The following NEB variants were observed in gnomAD, a reference collection of about 807,000 sequenced individuals.
NEB encodes the protein nebulin.
Under a neutral mutation model 952.2 loss-of-function variants are expected in NEB, and 512 were observed. The ratio of observed to expected loss-of-function variants is 0.54; its 90% CI spans 0.50 to 0.58. The LOEUF is 0.58. NEB is among the 20% of genes least tolerant of loss of function. The probability of loss-of-function intolerance (pLI) is 0.00; values close to 1 mark genes in which losing one functional copy is unlikely to be tolerated. For missense variants in NEB, 8,428 were observed against 9,231.1 expected (o/e 0.91, Z 3.56); for synonymous variants, 2,900 against 3,149.8 (o/e 0.92, Z 2.66).
chr2:151,576,583 G>A (rs1329904752), intron 105 of NEB, among the ~76,000 whole-genome samples: 2 of 126,098 alleles, frequency 1.6e-5, no homozygotes, highest in African/African-American at 6.3e-5. Context: ...CCAGGCTGGA[G>A]TGCAATGGCA....
At chr2:151,726,635 C>T (rs2099791394) in intron 5 of NEB, among the ~76,000 whole-genome samples, 1 of 152,132 alleles carries the variant, frequency 6.6e-6, no homozygotes, top group East Asian at 1.9e-4. Flanking sequence ...GTGTAACTTA[C>T]AGAACTGTGC....
At chr2:151,687,601 C>T in intron 26 of NEB, 25 bp downstream of exon 26, 1 of 1,613,308 alleles carries the variant, frequency 6.2e-7, no homozygotes, top group Non-Finnish European at 8.5e-7. Flanking sequence ...CTGTCCAGGT[C>T]CCCAGGTCCC....
chr2:151,657,761 T>C (rs754208298), intron 48 of NEB, among the ~76,000 whole-genome samples: 1 of 152,212 alleles, frequency 6.6e-6, no homozygotes, highest in Non-Finnish European at 1.5e-5. Context: ...TATCTAGATC[T>C]CATGAGTCAG....
At chr2:151,641,866 A>G (rs2098859719) in intron 60 of NEB, among the ~76,000 whole-genome samples, 1 of 152,236 alleles carries the variant, frequency 6.6e-6, no homozygotes, top group South Asian at 2.1e-4. Context: ...CACAACGTGC[A>G]GGTTTGTTAC....
At chr2:151,720,756 GC>G (rs1473353831) in intron 9 of NEB, among the ~76,000 whole-genome samples, 1 of 152,098 alleles carries the variant, frequency 6.6e-6, no homozygotes, top group Admixed American at 6.5e-5. Context: ...TCATCCTTTT[GC>G]TGGCTCCTGT....
rs573850843 is a variant in NEB, at chr2:151,730,331, A to G, written c.37-675T>C. Among the ~76,000 whole-genome samples the G allele has an allele frequency of 2.0e-5, 3 of 152,298 alleles. No individual in the cohort carries two copies. The South Asian group carries it at 6.2e-4, about 32-fold the overall frequency. ...GATTCTTCATCACAAAGTGTGGGAA[A>G]GGTAGGCTGCAATTTGCCATAGTGG... On this transcript the variant is annotated intron_variant, in intron 3 of 181. Transcript: ENST00000397345.
intron 148 of NEB, among the ~76,000 whole-genome samples, chr2:151,526,628 C>T (rs568294159): frequency 6.6e-6 from 1 of 152,252 alleles, no homozygotes; most frequent in South Asian, 2.1e-4. Context: ...CAAATCATGG[C>T]GTTTCCATAA....
Position 151,570,554 on chromosome 2 carries a change from G to C in NEB, c.17061C>G (p.Val5687=), listed in dbSNP as rs199756204. 50 of 1,609,632 alleles carry C rather than the reference G, an allele frequency of 3.1e-5. No individual in the cohort carries two copies. The African/African-American group carries it at 6.4e-4, about 21-fold the overall frequency. ...GWDEMKAGCD[V]RLDAIPIQAA... ...CCTGGATGGGGATGGCATCCAGCCG[G>C]ACATCACAGCCCGCCTTCATTTCAT... Residue 5687 remains valine (V), a synonymous_variant, in exon 108 of 182, where the codon GTC becomes GTG. Coordinates refer to ENST00000397345, the MANE Select transcript of NEB (RefSeq NM_001164508.2).
rs748738174 is a variant in NEB at position 151,677,887 on chromosome 2, T to A, written c.3556A>T (p.Ile1186Leu). ...TAAATGACACTTACATCACTCTGTA[T>A]CTGCATCATGTTCTTAGACAGCTCC... ...DLELSKNMMQ[I>L]QSDNVYKEDY... Residue 1186 changes from isoleucine to leucine, a missense_variant, in exon 33 of 182, where the codon ATA (isoleucine) becomes TTA (leucine). By Grantham distance (5) the Ile-to-Leu change is conservative. Transcript: ENST00000397345. 6.2e-7 allele frequency: 1 copy of A among 1,610,926 alleles called. No homozygotes were observed. The highest frequency in any genetic ancestry group is 8.5e-7 in the Non-Finnish European group (1 of 1,177,992).
Position 151,492,061 on chromosome 2 carries a change from T to C in NEB, c.25057+37A>G, listed in dbSNP as rs763159352. 3 of 1,598,594 alleles carry C rather than the reference T, an allele frequency of 1.9e-6. No homozygotes were observed. In the South Asian group the frequency reaches 3.3e-5, roughly 18 times the overall value. On this transcript the variant is annotated intron_variant, in intron 178 of 181. Coordinates refer to ENST00000397345, the MANE Select transcript of NEB (RefSeq NM_001164508.2). ...ACTTTTGTTCTTCTACCCCCTCACT[T>C]AAAGTTAATCCCCTCCCCCAACCCA...
At chr2:151,663,200 CT>C (rs1234491330) in intron 45 of NEB, among the ~76,000 whole-genome samples, 7 of 152,188 alleles carry the variant, frequency 4.6e-5, no homozygotes, top group African/African-American at 1.7e-4. Context: ...TATCTGATTT[CT>C]TACTTTCCCT....
At chr2:151,646,642 C>T (rs1560961315) in intron 54 of NEB, among the ~76,000 whole-genome samples, 2 of 152,090 alleles carry the variant, frequency 1.3e-5, no homozygotes, top group Non-Finnish European at 2.9e-5. Flanking sequence ...TCCTATGTGG[C>T]TTATTGTTAT....
At chr2:151,559,055 A>G (rs1359791118) in intron 124 of NEB, among the ~76,000 whole-genome samples, 1 of 152,238 alleles carries the variant, frequency 6.6e-6, no homozygotes, top group Non-Finnish European at 1.5e-5. Context: ...ACAATGGGCT[A>G]CTATCCAGAA....
At chr2:151,591,697 TAAAAATCAG>T (rs1408441175) in intron 95 of NEB, among the ~76,000 whole-genome samples, 24 of 152,408 alleles carry the variant, frequency 1.6e-4, no homozygotes, top group Non-Finnish European at 2.6e-4. Context: ...ATAAATCATG[TAAAAATCAG>T]AAAAAAACAT....
At chr2:151,619,954 T>C (rs1421706469) in intron 72 of NEB, among the ~76,000 whole-genome samples, 192 bp from the exon 73 acceptor site, 1 of 152,152 alleles carries the variant, frequency 6.6e-6, no homozygotes, top group Non-Finnish European at 1.5e-5. Flanking sequence ...AATGGTTCCT[T>C]TATATATGCT....
chr2:151,623,405 C>CA (rs887799186), intron 71 of NEB, among the ~76,000 whole-genome samples: 2 of 152,016 alleles, frequency 1.3e-5, no homozygotes, highest in African/African-American at 4.8e-5. Context: ...TGTGTAAAGA[C>CA]AAAATCTTAA....
At chr2:151,665,245 A>G in intron 42 of NEB, 88 bp downstream of exon 42, 1 of 1,239,042 alleles carries the variant, frequency 8.1e-7, no homozygotes, top group South Asian at 1.3e-5. Flanking sequence ...AGAAAGAAAC[A>G]CTGTAGGAGA....
In NEB at chr2:151,725,327, A is replaced by G. The variant is rs190493045; in HGVS notation, c.402+126T>C. The G allele has an allele frequency of 3.9e-4, 300 of 762,042 alleles. No homozygotes were observed. The East Asian group carries it at 6.1e-3, about 15-fold the overall frequency. 47.2% of individuals were successfully genotyped at this position (762,042 alleles called of 1,614,324 possible). A position where few individuals can be genotyped will look rare whatever the true frequency, so the allele number is the denominator to read the frequency against. Reference sequence around the variant, plus strand: ...CATGATCTATGGTTCATGCTTTTCTAGATTTGTGAACTAGCTCATAGTAAT... The same window carrying G: ...CATGATCTATGGTTCATGCTTTTCTGGATTTGTGAACTAGCTCATAGTAAT... On this transcript the variant is annotated intron_variant, in intron 6 of 181. Transcript: ENST00000397345.
chr2:151,522,423 G>A (rs1217324143), intron 153 of NEB, among the ~76,000 whole-genome samples: 1 of 152,192 alleles, frequency 6.6e-6, no homozygotes, highest in African/African-American at 2.4e-5. Flanking sequence ...GAGATTCTCA[G>A]TTTGTTTTCA....
Sources: gnomAD v4.1 joint callset for allele counts (sites outside exome capture counted in the v4.1 genomes callset) on GRCh38, gnomAD v4.1.1 for gene constraint, MANE v1.5 for transcripts, NCBI Gene and HGNC (gene_info 2026-07-23, HGNC 2026-07-21) for gene names.